The following ANO10 variants were observed in gnomAD, a reference collection of about 807,000 sequenced individuals.
ANO10 encodes the protein anoctamin 10, also known as anoctamin-10.
In ANO10, 77 loss-of-function variants were observed where a neutral mutation model predicts 74.7. That is an observed-to-expected ratio of 1.03 (90% CI 0.86 to 1.25). The LOEUF is 1.25. Among genes scored for constraint, ANO10 ranks in the 50% most tolerant of loss-of-function variants. The probability of loss-of-function intolerance (pLI) is 0.00; values close to 1 mark genes in which losing one functional copy is unlikely to be tolerated. For synonymous variants in ANO10, 279 were observed against 284.9 expected (o/e 0.98, Z 0.21); for missense variants, 721 against 778.1 (o/e 0.93, Z 0.87).
At chr3:43,411,984 GA>G (rs1452047589) in intron 12 of ANO10, among the ~76,000 whole-genome samples, 1 of 148,460 alleles carries the variant, frequency 6.7e-6, no homozygotes, top group Non-Finnish European at 1.5e-5. Flanking sequence ...TATCACAAAG[GA>G]GAAGTTAAAA....
chr3:43,527,917 G>A (rs1386824358), intron 11 of ANO10, among the ~76,000 whole-genome samples: 1 of 152,122 alleles, frequency 6.6e-6, no homozygotes, highest in African/African-American at 2.4e-5. Flanking sequence ...CCATTTTGAG[G>A]GAAGGATGGG....
At chr3:43,566,472 C>T (rs777504716) in intron 7 of ANO10, among the ~76,000 whole-genome samples, 1 of 152,226 alleles carries the variant, frequency 6.6e-6, no homozygotes, top group Non-Finnish European at 1.5e-5. Flanking sequence ...GTTCTCCCAG[C>T]ACGCAGCTGG....
intron 7 of ANO10, among the ~76,000 whole-genome samples, chr3:43,573,815 A>AT (rs941663937): frequency 6.6e-6 from 1 of 152,166 alleles, no homozygotes; most frequent in Non-Finnish European, 1.5e-5. Flanking sequence ...AACAAAAAAA[A>AT]TTTTTTTTAA....
upstream of ANO10, among the ~76,000 whole-genome samples, chr3:43,622,959 G>A (rs1407169836): frequency 1.3e-5 from 2 of 152,164 alleles, no homozygotes; most frequent in Admixed American, 6.5e-5. Flanking sequence ...TCCGCCTCCC[G>A]GGTTCAAGCG....
chr3:43,667,411 G>T (rs2084005623), intron 1 of ANO10, among the ~76,000 whole-genome samples: 2 of 152,096 alleles, frequency 1.3e-5, no homozygotes, highest in Non-Finnish European at 2.9e-5. Context: ...TTTAATTTGT[G>T]TAGTTACACT....
intron 1 of ANO10, among the ~76,000 whole-genome samples, chr3:43,678,229 G>GT (rs1181863087): frequency 2.0e-5 from 3 of 152,160 alleles, no homozygotes; most frequent in African/African-American, 7.2e-5. Context: ...GAATAATGCA[G>GT]TAAGAGTAAA....
intron 12 of ANO10, among the ~76,000 whole-genome samples, chr3:43,373,218 GGGGTGGAGTGAC>G (rs2091681017): frequency 6.6e-6 from 1 of 151,954 alleles, no homozygotes; most frequent in Non-Finnish European, 1.5e-5. Flanking sequence ...GTGAGGGTCA[GGGGTGGAGTGAC>G]GGGCGAGTGT....
At chr3:43,554,537 A>G (rs558595027) in intron 10 of ANO10, among the ~76,000 whole-genome samples, 2 of 152,080 alleles carry the variant, frequency 1.3e-5, no homozygotes, top group Non-Finnish European at 2.9e-5. Context: ...GTTAGGAGAG[A>G]TAAGATTCTA....
upstream of ANO10, among the ~76,000 whole-genome samples, chr3:43,622,384 T>A (rs1432069980): frequency 6.6e-6 from 1 of 152,104 alleles, no homozygotes; most frequent in African/African-American, 2.4e-5. Flanking sequence ...CGGGGCGGCA[T>A]GTGGCTGGGC....
chr3:43,545,918 T>A (rs1224363235), intron 11 of ANO10, among the ~76,000 whole-genome samples: 4 of 152,218 alleles, frequency 2.6e-5, no homozygotes, highest in African/African-American at 9.6e-5. Context: ...AATTTGTATT[T>A]TCTATTCTAT....
At chr3:43,450,715 C>T (rs1191202637) in intron 11 of ANO10, among the ~76,000 whole-genome samples, 1 of 152,120 alleles carries the variant, frequency 6.6e-6, no homozygotes, top group Admixed American at 6.6e-5. Context: ...TTCAAGTCCA[C>T]GTGAACTAAA....
chr3:43,598,897 C>G (rs1055198570), intron 3 of ANO10, among the ~76,000 whole-genome samples: 9 of 152,102 alleles, frequency 5.9e-5, no homozygotes, highest in African/African-American at 1.9e-4. Flanking sequence ...CATTTTAATA[C>G]TTATATTAGA....
chr3:43,584,407 C>T (rs536490741), intron 4 of ANO10, among the ~76,000 whole-genome samples: 1 of 152,288 alleles, frequency 6.6e-6, no homozygotes, highest in Non-Finnish European at 1.5e-5. Flanking sequence ...CAGGACACGG[C>T]TCGGCTCACT....
At chr3:43,504,343 G>A (rs545824891) in intron 11 of ANO10, among the ~76,000 whole-genome samples, 50 of 149,656 alleles carry the variant, frequency 3.3e-4, no homozygotes, top group Non-Finnish European at 5.9e-4. Flanking sequence ...TAGATAGATA[G>A]ATAAAAATAA....
At chr3:43,433,872 T>A (rs1418627564) in intron 11 of ANO10, among the ~76,000 whole-genome samples, 3 of 152,122 alleles carry the variant, frequency 2.0e-5, no homozygotes, top group Non-Finnish European at 4.4e-5. Flanking sequence ...ATATTAAAAG[T>A]TGTGAATTTT....
intron 8 of ANO10, among the ~76,000 whole-genome samples, chr3:43,563,225 C>T (rs1432597251): frequency 6.6e-6 from 1 of 152,022 alleles, no homozygotes; most frequent in Non-Finnish European, 1.5e-5. Context: ...ATACTCAACA[C>T]CACTCATCAT....
chr3:43,380,783 G>GA (rs2091938138), intron 12 of ANO10, among the ~76,000 whole-genome samples: 1 of 152,044 alleles, frequency 6.6e-6, no homozygotes, highest in Admixed American at 6.5e-5. Context: ...CCACCACAAT[G>GA]AAAAAAACAA....
At chr3:43,682,044 T>G (rs971703916) in intron 1 of ANO10, among the ~76,000 whole-genome samples, 7 of 151,938 alleles carry the variant, frequency 4.6e-5, no homozygotes, top group Admixed American at 2.0e-4. Context: ...GCAAACACAT[T>G]CAAAAGCTAG....
intron 5 of ANO10, among the ~76,000 whole-genome samples, chr3:43,578,881 T>C (rs1023427590): frequency 2.7e-5 from 4 of 148,954 alleles, no homozygotes; most frequent in African/African-American, 7.4e-5. Context: ...AAGTGTAATA[T>C]AAAATGACTA....
Sources: allele counts gnomAD v4.1 joint callset (sites outside exome capture counted in the v4.1 genomes callset), GRCh38; gene constraint gnomAD v4.1.1; transcripts MANE v1.5; gene names NCBI Gene and HGNC (gene_info 2026-07-23, HGNC 2026-07-21).